TMEM135: variants seen among roughly 807,000 people sequenced by gnomAD.
TMEM135 encodes peroxisomal membrane protein 52.
TMEM135 carries 30 observed loss-of-function variants against 60.3 expected under a neutral mutation model. That is an observed-to-expected ratio of 0.50 (90% CI 0.37 to 0.68). The LOEUF (loss-of-function observed/expected upper bound fraction) is 0.68. TMEM135 is among the 30% of genes least tolerant of loss of function. The pLI is 0.00. For synonymous variants in TMEM135, 190 were observed against 186.7 expected, an observed-to-expected ratio of 1.02 and a Z score of -0.14; for missense variants, 468 against 548.8, an observed-to-expected ratio of 0.85 and a Z score of 1.47.
At chr11:87,201,493 C>G (rs1940093067) in intron 5 of TMEM135, among the ~76,000 whole-genome samples, 1 of 152,060 alleles carries the variant, frequency 6.6e-6, no homozygotes, top group African/African-American at 2.4e-5. Context: ...ACAAAGTAAC[C>G]TTGGCTTTCA....
At chr11:87,102,213 A>G (rs1565441452) in intron 4 of TMEM135, among the ~76,000 whole-genome samples, 1 of 152,202 alleles carries the variant, frequency 6.6e-6, no homozygotes, top group Non-Finnish European at 1.5e-5. Context: ...AGAAAGTAAT[A>G]GTTGTTATCT....
intron 4 of TMEM135, among the ~76,000 whole-genome samples, chr11:87,145,081 A>G (rs1051592342): frequency 2.6e-5 from 4 of 152,000 alleles, no homozygotes; most frequent in Admixed American, 2.6e-4. Context: ...TTCTCTGGAG[A>G]TTTTCTACCC....
chr11:87,206,225 C>T (rs1591103237), intron 5 of TMEM135, among the ~76,000 whole-genome samples: 1 of 152,120 alleles, frequency 6.6e-6, no homozygotes, highest in African/African-American at 2.4e-5. Context: ...CTGAGACTAA[C>T]TAATATGCAG....
intron 6 of TMEM135, among the ~76,000 whole-genome samples, chr11:87,285,867 A>G (rs1222540080): frequency 6.6e-6 from 1 of 152,098 alleles, no homozygotes; most frequent in African/African-American, 2.4e-5. Context: ...GGTCCGTTTT[A>G]CAGAGAGCTG....
At chr11:87,102,524 A>T (rs1193237954) in intron 4 of TMEM135, among the ~76,000 whole-genome samples, 1 of 152,114 alleles carries the variant, frequency 6.6e-6, no homozygotes, top group Admixed American at 6.6e-5. Context: ...TTGACAGTTT[A>T]TTAAAAGGAT....
At chr11:87,112,803 TGATAA>T (rs1857788156) in intron 4 of TMEM135, among the ~76,000 whole-genome samples, 1 of 152,062 alleles carries the variant, frequency 6.6e-6, no homozygotes, top group Non-Finnish European at 1.5e-5. Context: ...GAATGGCATA[TGATAA>T]GGGTTTTTTT....
intron 6 of TMEM135, among the ~76,000 whole-genome samples, chr11:87,247,479 A>G (rs1442421409): frequency 6.6e-6 from 1 of 152,074 alleles, no homozygotes; most frequent in African/African-American, 2.4e-5. Flanking sequence ...AGAGGCAGGC[A>G]GGCCTCCTTG....
intron 4 of TMEM135, among the ~76,000 whole-genome samples, chr11:87,133,253 G>A (rs997723579): frequency 2.1e-4 from 32 of 152,118 alleles, no homozygotes; most frequent in African/African-American, 7.7e-4. Context: ...GTGAGACTGA[G>A]GAAAAGACTA....
intron 5 of TMEM135, among the ~76,000 whole-genome samples, chr11:87,222,803 C>CA (rs1387946312): frequency 1.7e-3 from 241 of 143,270 alleles, no homozygotes; most frequent in South Asian, 8.8e-3. Context: ...GAAACTGTCT[C>CA]AAAAAAAAAG....
intron 4 of TMEM135, among the ~76,000 whole-genome samples, chr11:87,145,154 A>G (rs1034096935): frequency 3.3e-5 from 5 of 152,154 alleles, no homozygotes; most frequent in East Asian, 1.9e-4. Flanking sequence ...ACTTTCTGCT[A>G]TGGGTTTCAC....
intron 4 of TMEM135, among the ~76,000 whole-genome samples, chr11:87,092,137 G>A (rs1462423677): frequency 6.6e-6 from 1 of 152,096 alleles, no homozygotes; most frequent in Non-Finnish European, 1.5e-5. Context: ...ATTCATTTTA[G>A]TTATAAAATA....
At chr11:87,276,665 ATTTTTT>A (rs11340916) in intron 6 of TMEM135, among the ~76,000 whole-genome samples, 5 of 115,638 alleles carry the variant, frequency 4.3e-5, no homozygotes, top group Admixed American at 9.9e-5. Context: ...GTGTTTGTGA[ATTTTTT>A]TTTTTTTTTT....
chr11:87,251,991 G>A (rs1186676876), intron 6 of TMEM135, among the ~76,000 whole-genome samples: 2 of 152,084 alleles, frequency 1.3e-5, no homozygotes, highest in African/African-American at 2.4e-5. Context: ...AGAAATTTCT[G>A]TAGGTGGGTT....
intron 5 of TMEM135, among the ~76,000 whole-genome samples, chr11:87,163,131 C>T (rs1332269136): frequency 1.3e-5 from 2 of 149,730 alleles, no homozygotes; most frequent in African/African-American, 4.9e-5. Flanking sequence ...TGGTGCACTG[C>T]ACCCACTAAC....
intron 4 of TMEM135, among the ~76,000 whole-genome samples, chr11:87,120,472 C>CTTTTTTTTTTT (rs541561365): frequency 1.2e-4 from 13 of 104,250 alleles, no homozygotes; most frequent in Non-Finnish European, 1.7e-4. Flanking sequence ...GATGAAATTT[C>CTTTTTTTTTTT]TTTTTTTTTT....
Position 87,138,562 on chromosome 11 carries a change from C to T in TMEM135, c.397-18779C>T, listed in dbSNP as rs74328263. Among the ~76,000 whole-genome samples the T allele has an allele frequency of 9.1e-4, 138 of 152,312 alleles. 1 individual carries two copies. The East Asian group carries it at 0.026, about 29-fold the overall frequency. Reference sequence around the variant, plus strand: ...GTCCAAACAATGACTTACTCATTAGCTCTTACATCTTGCATTTATTCAATA... The same window carrying T: ...GTCCAAACAATGACTTACTCATTAGTTCTTACATCTTGCATTTATTCAATA... On this transcript the variant is annotated intron_variant, in intron 4 of 14. Transcript: ENST00000305494.
At chr11:87,039,083 C>T (rs1949729304) in intron 1 of TMEM135, among the ~76,000 whole-genome samples, 1 of 152,096 alleles carries the variant, frequency 6.6e-6, no homozygotes, top group South Asian at 2.1e-4. Context: ...TGTATGTCTT[C>T]TAAAAGTTTC....
intron 5 of TMEM135, among the ~76,000 whole-genome samples, chr11:87,180,335 C>T (rs920102226): frequency 6.6e-6 from 1 of 152,140 alleles, no homozygotes; most frequent in Non-Finnish European, 1.5e-5. Flanking sequence ...GGGAGAATAT[C>T]TGTTAGTTTT....
At chr11:87,271,374 C>G (rs1941859060) in intron 6 of TMEM135, among the ~76,000 whole-genome samples, 1 of 152,128 alleles carries the variant, frequency 6.6e-6, no homozygotes, top group African/African-American at 2.4e-5. Context: ...GAACTTTAAT[C>G]TTTAGAAAGT....
Sources: allele counts gnomAD v4.1 joint callset (sites outside exome capture counted in the v4.1 genomes callset), GRCh38; gene constraint gnomAD v4.1.1; transcripts MANE v1.5; gene names NCBI Gene and HGNC (gene_info 2026-07-23, HGNC 2026-07-21).